The following ZCCHC24 variants were observed in gnomAD, a reference collection of about 807,000 sequenced individuals.
The protein encoded by ZCCHC24 is zinc finger CCHC domain-containing protein 24.
ZCCHC24 carries 10 observed loss-of-function variants against 26.2 expected under a neutral mutation model. That is an observed-to-expected ratio of 0.38 (90% CI 0.24 to 0.65). The LOEUF (loss-of-function observed/expected upper bound fraction) is 0.65. Ranked by LOEUF, ZCCHC24 falls within the 30% of genes least tolerant of loss-of-function variation. The pLI is 0.54. For synonymous variants in ZCCHC24, 144 were observed against 147.1 expected, an observed-to-expected ratio of 0.98 and a Z score of 0.15; for missense variants, 243 against 329.1, an observed-to-expected ratio of 0.74 and a Z score of 2.03.
chr10:79,398,879 AC>A, intron 2 of ZCCHC24, among the ~76,000 whole-genome samples: 1 of 152,284 alleles, frequency 6.6e-6, no homozygotes, highest in African/African-American at 2.4e-5. Flanking sequence ...AAACTGAGGC[AC>A]AGGGAAGGGG....
chr10:79,407,213 AGCCAGGTGCAGACCT>A (rs1856728911), intron 2 of ZCCHC24, among the ~76,000 whole-genome samples: 1 of 152,162 alleles, frequency 6.6e-6, no homozygotes, highest in Admixed American at 6.5e-5. Flanking sequence ...GTGGAGCGCC[AGCCAGGTGCAGACCT>A]GCCCCCAGGG....
At chr10:79,431,335 T>A (rs549338086) in intron 2 of ZCCHC24, among the ~76,000 whole-genome samples, 1 of 152,272 alleles carries the variant, frequency 6.6e-6, no homozygotes, top group East Asian at 1.9e-4. Context: ...TGGGAGCCAA[T>A]AGCCTCCTGC....
chr10:79,439,057 T>G (rs1416240553), intron 1 of ZCCHC24, among the ~76,000 whole-genome samples: 1 of 152,250 alleles, frequency 6.6e-6, no homozygotes, highest in African/African-American at 2.4e-5. Flanking sequence ...GCTTGCAGCC[T>G]CCATTGCAGG....
At chr10:79,400,574 G>A (rs1394999197) in intron 2 of ZCCHC24, among the ~76,000 whole-genome samples, 1 of 152,236 alleles carries the variant, frequency 6.6e-6, no homozygotes, top group African/African-American at 2.4e-5. Flanking sequence ...CTTAATGAAT[G>A]AATTGCCTTT....
intron 2 of ZCCHC24, among the ~76,000 whole-genome samples, chr10:79,398,246 T>C (rs1407558387): frequency 6.6e-6 from 1 of 152,226 alleles, no homozygotes; most frequent in Non-Finnish European, 1.5e-5. Flanking sequence ...CAATGACATC[T>C]GGCTCTGCCT....
chr10:79,392,631 GC>G (rs1185347667), intron 3 of ZCCHC24, among the ~76,000 whole-genome samples: 1 of 152,122 alleles, frequency 6.6e-6, no homozygotes, highest in African/African-American at 2.4e-5. Context: ...CCCAGTTGCG[GC>G]CACTGCTGTG....
At chr10:79,393,037 CCTT>C (rs1466755987) in intron 3 of ZCCHC24, among the ~76,000 whole-genome samples, 1 of 152,158 alleles carries the variant, frequency 6.6e-6, no homozygotes, top group Non-Finnish European at 1.5e-5. Context: ...CCCTGGTTCT[CCTT>C]CTCCTTACTG....
intron 1 of ZCCHC24, among the ~76,000 whole-genome samples, chr10:79,442,957 G>A (rs988476068): frequency 5.3e-5 from 8 of 152,094 alleles, no homozygotes; most frequent in Admixed American, 2.6e-4. Context: ...CATCACCTCC[G>A]AGGAAGCCAC....
chr10:79,444,384 A>G (rs993660043), intron 1 of ZCCHC24: 38 of 682,414 alleles, frequency 5.6e-5, no homozygotes, highest in Non-Finnish European at 6.5e-5. Flanking sequence ...TGCCCAGTCA[A>G]CTTTGTAACT....
At chr10:79,443,992 G>A (rs1564643557) in intron 1 of ZCCHC24, 2 of 1,339,860 alleles carry the variant, frequency 1.5e-6, no homozygotes, top group Non-Finnish European at 2.0e-6. Context: ...TAATGGCAGA[G>A]TTGAACTCAA....
intron 1 of ZCCHC24, among the ~76,000 whole-genome samples, chr10:79,441,232 G>A (rs970260935): frequency 7.2e-5 from 11 of 152,102 alleles, no homozygotes; most frequent in Non-Finnish European, 1.5e-4. Flanking sequence ...TGGTCAGGCA[G>A]CCCGTGGGCT....
intron 1 of ZCCHC24, among the ~76,000 whole-genome samples, chr10:79,434,937 C>A (rs1286854588): frequency 1.3e-5 from 2 of 152,122 alleles, no homozygotes; most frequent in African/African-American, 4.8e-5. Flanking sequence ...CTCCCCCAGG[C>A]AATTCAGGTA....
At chr10:79,439,076 A>T (rs1007083706) in intron 1 of ZCCHC24, among the ~76,000 whole-genome samples, 7 of 152,220 alleles carry the variant, frequency 4.6e-5, no homozygotes, top group African/African-American at 1.7e-4. Flanking sequence ...GGGATCCTTG[A>T]TCTGTGATCC....
chr10:79,417,534 G>A (rs371113408), intron 2 of ZCCHC24, among the ~76,000 whole-genome samples: 1 of 152,200 alleles, frequency 6.6e-6, no homozygotes, highest in Non-Finnish European at 1.5e-5. Flanking sequence ...GGAAAGGCAC[G>A]GCCTAAGGTC....
chr10:79,433,470 C>T (rs1391419493), intron 1 of ZCCHC24, among the ~76,000 whole-genome samples: 2 of 152,234 alleles, frequency 1.3e-5, no homozygotes, highest in African/African-American at 4.8e-5. Context: ...GCAGACGTGG[C>T]CCAGGCCCCC....
chr10:79,434,258 G>A (rs1174621832), intron 1 of ZCCHC24, among the ~76,000 whole-genome samples: 1 of 152,180 alleles, frequency 6.6e-6, no homozygotes, highest in East Asian at 1.9e-4. Flanking sequence ...CCAACTGACT[G>A]TAACTTCTGT....
intron 2 of ZCCHC24, among the ~76,000 whole-genome samples, chr10:79,402,260 T>C (rs7914731): frequency 0.84 from 127,269 of 152,238 alleles, 53,280 homozygotes; most frequent in East Asian, 0.89. Flanking sequence ...CTTAGATACT[T>C]GGTTTTTCTT....
At chr10:79,420,799 G>A (rs1441124722) in intron 2 of ZCCHC24, among the ~76,000 whole-genome samples, 2 of 149,700 alleles carry the variant, frequency 1.3e-5, no homozygotes, top group Non-Finnish European at 3.0e-5. Context: ...TAATAATAAT[G>A]ACAGTAATTA....
chr10:79,386,125 C>T lies in ZCCHC24; in HGVS notation c.*220G>A, dbSNP rs1276140246. 1.7e-6 allele frequency: 1 copy of T among 602,960 alleles called. No homozygotes were observed. Among genetic ancestry groups the T allele is most frequent in the Non-Finnish European group, 3.1e-6 (1 of 327,700 alleles). 37.4% of individuals were successfully genotyped at this position (602,960 alleles called of 1,614,324 possible). On this transcript the variant is annotated 3_prime_UTR_variant, in exon 4 of 4. Coordinates refer to ENST00000372336, the MANE Select transcript of ZCCHC24 (RefSeq NM_153367.4). ...ACCCCAGGCCCGCCTGCAAAAAGCCCCAGACTCCCTGCTTTCCCTGGCCTG... is the reference window on the plus strand; with the variant it reads ...ACCCCAGGCCCGCCTGCAAAAAGCCTCAGACTCCCTGCTTTCCCTGGCCTG...
Sources: gnomAD v4.1 joint callset for allele counts (sites outside exome capture counted in the v4.1 genomes callset) on GRCh38, gnomAD v4.1.1 for gene constraint, MANE v1.5 for transcripts, NCBI Gene and HGNC (gene_info 2026-07-23, HGNC 2026-07-21) for gene names.